CNTNAP2: variants seen among roughly 807,000 people sequenced by gnomAD.
The protein encoded by CNTNAP2 is contactin-associated protein-like 2.
Under a neutral mutation model 155.2 loss-of-function variants are expected in CNTNAP2, and 98 were observed. The ratio of observed to expected loss-of-function variants is 0.63; its 90% confidence interval spans 0.54 to 0.75. The LOEUF (loss-of-function observed/expected upper bound fraction) is 0.75, where lower values mean the gene tolerates loss of function less well. CNTNAP2 is among the 30% of genes least tolerant of loss of function. The probability of loss-of-function intolerance (pLI) is 0.00; values close to 1 mark genes in which losing one functional copy is unlikely to be tolerated. For synonymous variants in CNTNAP2, 651 were observed against 631.2 expected, an observed-to-expected ratio of 1.03 and a Z score of -0.47; for missense variants, 1,727 against 1,688.1, an observed-to-expected ratio of 1.02 and a Z score of -0.40.
intron 9 of CNTNAP2, among the ~76,000 whole-genome samples, chr7:147,305,718 C>T (rs753331502): frequency 3.3e-5 from 5 of 152,076 alleles, no homozygotes; most frequent in East Asian, 1.9e-4. Flanking sequence ...TTTGAAGGTA[C>T]GTATTGATTT....
intron 14 of CNTNAP2, among the ~76,000 whole-genome samples, chr7:147,905,726 T>C (rs2116755654): frequency 1.3e-5 from 2 of 152,008 alleles, no homozygotes; most frequent in Non-Finnish European, 2.9e-5. Flanking sequence ...CTACTAAACA[T>C]AGAAAAAATT....
intron 12 of CNTNAP2, among the ~76,000 whole-genome samples, chr7:147,598,591 G>C (rs6959784): frequency 0.68 from 102,863 of 151,972 alleles, 35,205 homozygotes; most frequent in African/African-American, 0.76. Context: ...GTAAGCCTCT[G>C]AAATGTCTGA....
chr7:146,956,219 G>C lies in CNTNAP2; in HGVS notation c.403-87688G>C, dbSNP rs148245425. ...AAAAAATGAAGATGTAAACAATTCA[G>C]TTAGGAAACCTTCAGAGATATTCTG... On this transcript the variant is annotated intron_variant, in intron 3 of 23. Coordinates refer to ENST00000361727, the MANE Select transcript of CNTNAP2 (RefSeq NM_014141.6). 5.9e-3 allele frequency among the ~76,000 whole-genome samples: 902 copies of C among 152,194 alleles called. 4 individuals are homozygous for C. The highest frequency in any genetic ancestry group is 0.016 in the East Asian group (84 of 5,176).
At chr7:148,145,712 A>G (rs570438646) in intron 16 of CNTNAP2, among the ~76,000 whole-genome samples, 21 of 152,318 alleles carry the variant, frequency 1.4e-4, no homozygotes, top group Middle Eastern at 6.8e-3. Context: ...TATCAGAACT[A>G]CAGAGAAAGA....
At chr7:147,639,073 G>A in intron 12 of CNTNAP2, 33 bp from the exon 13 acceptor site, 2 of 1,605,544 alleles carry the variant, frequency 1.2e-6, no homozygotes, top group Non-Finnish European at 1.7e-6. Flanking sequence ...GCATACTAAT[G>A]ATCCAGGGTC....
At chr7:148,142,423 G>T (rs1483031494) in intron 16 of CNTNAP2, among the ~76,000 whole-genome samples, 1 of 152,002 alleles carries the variant, frequency 6.6e-6, no homozygotes, top group African/African-American at 2.4e-5. Flanking sequence ...AAAAGATATT[G>T]ATAACACTGT....
chr7:146,692,815 A>T (rs1377936022), intron 1 of CNTNAP2, among the ~76,000 whole-genome samples: 1 of 152,132 alleles, frequency 6.6e-6, no homozygotes, highest in East Asian at 1.9e-4. Context: ...TCAGGAAGTG[A>T]TTGCTATTAT....
At chr7:147,398,523 C>T (rs1342214209) in intron 10 of CNTNAP2, among the ~76,000 whole-genome samples, 1 of 147,020 alleles carries the variant, frequency 6.8e-6, no homozygotes, top group Non-Finnish European at 1.5e-5. Flanking sequence ...ATGAGTAGAA[C>T]TTAGGGAAAC....
At chr7:148,002,523 A>C (rs1801916300) in intron 15 of CNTNAP2, among the ~76,000 whole-genome samples, 1 of 152,202 alleles carries the variant, frequency 6.6e-6, no homozygotes. Context: ...TTGGGAACCA[A>C]CATTTCTTAT....
At chr7:147,111,305 C>T (rs1465852917) in intron 5 of CNTNAP2, among the ~76,000 whole-genome samples, 1 of 152,144 alleles carries the variant, frequency 6.6e-6, no homozygotes, top group Non-Finnish European at 1.5e-5. Flanking sequence ...ATTTGTTTCT[C>T]ATTCTGTAGG....
In CNTNAP2 at chr7:147,316,113, A is replaced by G. The variant is rs182395126; in HGVS notation, c.1498+15823A>G. ...ACATATGTTTTTCTTTCTCTTGGGTATATACCTAGGAGTGGAATTGCTGTG... is the reference window on the plus strand; with the variant it reads ...ACATATGTTTTTCTTTCTCTTGGGTGTATACCTAGGAGTGGAATTGCTGTG... On this transcript the variant is annotated intron_variant, in intron 9 of 23. Coordinates refer to ENST00000361727, the MANE Select transcript of CNTNAP2 (RefSeq NM_014141.6). 4.7e-4 allele frequency among the ~76,000 whole-genome samples: 72 copies of G among 152,106 alleles called. No homozygotes were observed. In the Middle Eastern group the frequency reaches 0.01, roughly 22 times the overall value.
intron 11 of CNTNAP2, among the ~76,000 whole-genome samples, chr7:147,535,625 A>G (rs1799525588): frequency 6.6e-6 from 1 of 152,112 alleles, no homozygotes; most frequent in South Asian, 2.1e-4. Context: ...TAATCTGATG[A>G]ATGTGTAATG....
chr7:146,186,238 T>G (rs557903938), intron 1 of CNTNAP2, among the ~76,000 whole-genome samples: 1 of 152,248 alleles, frequency 6.6e-6, no homozygotes, highest in African/African-American at 2.4e-5. Context: ...ATGCCCCCAA[T>G]AAAGAATAGG....
At chr7:147,061,051 C>A (rs1799660312) in intron 4 of CNTNAP2, among the ~76,000 whole-genome samples, 2 of 135,428 alleles carry the variant, frequency 1.5e-5, no homozygotes, top group Admixed American at 1.4e-4. Flanking sequence ...TATGATTCAA[C>A]TTATATAAGG....
At position 147,476,620 on chromosome 7, in the gene CNTNAP2, T is replaced by C. The variant is rs187476124; in HGVS notation, c.1671-9315T>C. Among the ~76,000 whole-genome samples the C allele has an allele frequency of 2.2e-3, 327 of 152,010 alleles. 3 individuals carry two copies. The highest frequency in any genetic ancestry group is 5.8e-3 in the African/African-American group (242 of 41,488). ...AACTTTTCCTAGTCTGCCCCTGCAG[T>C]GTGTAATCAAAGATACACCAGGTTG... On this transcript the variant is annotated intron_variant, in intron 10 of 23. Transcript: ENST00000361727.
chr7:148,413,424 A>ATATATATATATT (rs1799898133), intron 23 of CNTNAP2, among the ~76,000 whole-genome samples: 1 of 96,128 alleles, frequency 1.0e-5, no homozygotes, highest in Non-Finnish European at 2.1e-5. Flanking sequence ...ATATATATAT[A>ATATATATATATT]TATATATATA....
At chr7:148,323,989 T>G (rs1180123902) in intron 21 of CNTNAP2, among the ~76,000 whole-genome samples, 1 of 151,534 alleles carries the variant, frequency 6.6e-6, no homozygotes, top group Non-Finnish European at 1.5e-5. Context: ...GTTCAAGTGA[T>G]TCTCCTGCCT....
At chr7:146,206,188 AGAGT>A (rs1266694007) in intron 1 of CNTNAP2, among the ~76,000 whole-genome samples, 1 of 151,988 alleles carries the variant, frequency 6.6e-6, no homozygotes, top group Non-Finnish European at 1.5e-5. Context: ...TGTTAAAGAA[AGAGT>A]GTGTTGAACC....
chr7:146,409,860 T>C (rs1044830118), intron 1 of CNTNAP2, among the ~76,000 whole-genome samples: 18 of 152,170 alleles, frequency 1.2e-4, no homozygotes, highest in Admixed American at 6.5e-5. Flanking sequence ...ATTCTTTACA[T>C]CCTTGACATT....
Sources: gnomAD v4.1 joint callset for allele counts (sites outside exome capture counted in the v4.1 genomes callset) on GRCh38, gnomAD v4.1.1 for gene constraint, MANE v1.5 for transcripts, NCBI Gene and HGNC (gene_info 2026-07-23, HGNC 2026-07-21) for gene names.